Variants in SSUH2 observed in about 807,000 individuals in gnomAD.
The protein encoded by SSUH2 is protein SSUH2 homolog.
Under a neutral mutation model 55.3 loss-of-function variants are expected in SSUH2, and 47 were observed. The observed-to-expected ratio is 0.85, with a 90% CI of 0.67 to 1.08. SSUH2 has a LOEUF of 1.08. Ranked by LOEUF, SSUH2 falls within the 50% of genes least tolerant of loss-of-function variation. The pLI is 0.00. For missense variants in SSUH2, 535 were observed against 490.7 expected (o/e 1.09, Z -0.85); for synonymous variants, 212 against 191.5 (o/e 1.11, Z -0.89).
chr3:8,660,130 A>G (rs1177204296), intron 6 of SSUH2, among the ~76,000 whole-genome samples: 1 of 152,210 alleles, frequency 6.6e-6, no homozygotes, highest in Non-Finnish European at 1.5e-5. Flanking sequence ...ACAATTCCTA[A>G]CAGGCAGGGT....
In SSUH2 at chr3:8,676,613, A is replaced by C. The variant is rs371121992; in HGVS notation, c.-753+593T>G. 7.3e-5 allele frequency among the ~76,000 whole-genome samples: 11 copies of C among 151,004 alleles called. 1 individual carries two copies. Among genetic ancestry groups the C allele is most frequent in the South Asian group, 6.3e-4 (3 of 4,748 alleles). ...AGAATATCACAGCGTGGGTGTACACATCGTGCTCTATTATGGGGAGTCATA... is the reference window on the plus strand; with the variant it reads ...AGAATATCACAGCGTGGGTGTACACCTCGTGCTCTATTATGGGGAGTCATA... On this transcript the variant is annotated intron_variant, in intron 3 of 18. Transcript: ENST00000317371.
Position 8,644,625 on chromosome 3 carries a change from T to C in SSUH2, c.28+106A>G, listed in dbSNP as rs1701419619. 6.0e-6 allele frequency: 6 copies of C among 1,003,690 alleles called. No individual in the cohort carries two copies. In the South Asian group the frequency reaches 6.8e-5, roughly 11 times the overall value. The allele number at this position is 1,003,690 out of a possible 1,614,324, so 62.2% of individuals were successfully genotyped here. A position where few individuals can be genotyped will look rare whatever the true frequency, so the allele number is the denominator to read the frequency against. On this transcript the variant is annotated intron_variant, in intron 1 of 11. Transcript: ENST00000544814. ...CTACAGAGCTTATTAGAAAAGACTA[T>C]GGATACATAACTTCCAACATATTAG...
intron 7 of SSUH2, among the ~76,000 whole-genome samples, chr3:8,654,487 A>C (rs142438823): frequency 1.6e-4 from 25 of 152,316 alleles, no homozygotes; most frequent in Admixed American, 5.9e-4. Flanking sequence ...TAGACACCCA[A>C]ATTGTCTCCT....
chr3:8,669,627 G>T (rs1345936386), intron 5 of SSUH2, among the ~76,000 whole-genome samples: 1 of 152,190 alleles, frequency 6.6e-6, no homozygotes, highest in African/African-American at 2.4e-5. Flanking sequence ...ACATGATCAA[G>T]GCTAACATCA....
chr3:8,666,836 C>T (rs1575354991), intron 5 of SSUH2, among the ~76,000 whole-genome samples: 2 of 152,310 alleles, frequency 1.3e-5, no homozygotes, highest in East Asian at 3.9e-4. Flanking sequence ...AAGTTGGCCT[C>T]CCAAAAGCCC....
chr3:8,639,990 T>G, intron 1 of SSUH2: 1 of 985,454 alleles, frequency 1.0e-6, no homozygotes, highest in Non-Finnish European at 1.2e-6. Context: ...CCTCGTGATT[T>G]GAATTATACT....
In SSUH2 at chr3:8,630,908, T is replaced by C. The variant is rs1189772564; in HGVS notation, c.422A>G (p.Gln141Arg). 6.9e-6 allele frequency: 10 copies of C among 1,452,066 alleles called. No individual in the cohort carries two copies. The East Asian group carries it at 2.7e-4, about 39-fold the overall frequency. The allele number at this position is 1,452,066 out of a possible 1,614,324, so 89.9% of individuals were successfully genotyped here. A position where few individuals can be genotyped will look rare whatever the true frequency, so the allele number is the denominator to read the frequency against. Residue 141 changes from glutamine (Q) to arginine (R), a missense_variant, in exon 6 of 12, where the codon CAA becomes CGA. Physicochemically the swap from Gln to Arg is conservative, Grantham distance 43 (BLOSUM62 1). Transcript: ENST00000544814. ...PFTNHSVDGP[Q>R]RGASPRLWDI... ...CCAGAGCCTGGGGGAGGCGCCTCTT[T>C]GCGGCCCATCCACAGAGTGGTCTGA...
chr3:8,662,821 G>A (rs552839124), intron 6 of SSUH2, among the ~76,000 whole-genome samples: 2 of 152,250 alleles, frequency 1.3e-5, no homozygotes, highest in Non-Finnish European at 2.9e-5. Flanking sequence ...AGACAGGGAT[G>A]TGATGACACC....
In SSUH2 at chr3:8,631,593, G is replaced by C. The variant is rs1290061387; in HGVS notation, c.400+456C>G. ...AAGAATGGACCTGAGCGGTCTGTTA[G>C]GGAAAACAAGGAGGACATAGATCTT... is the stretch of plus-strand genomic sequence containing the variant. On this transcript the variant is annotated intron_variant, in intron 5 of 11. Transcript: ENST00000544814. 5.3e-5 allele frequency among the ~76,000 whole-genome samples: 8 copies of C among 152,238 alleles called. No individual in the cohort carries two copies. In the South Asian group the frequency reaches 1.5e-3, roughly 28 times the overall value.
At chr3:8,665,030 C>T (rs913683992) in intron 5 of SSUH2, among the ~76,000 whole-genome samples, 1 of 152,180 alleles carries the variant, frequency 6.6e-6, no homozygotes, top group Non-Finnish European at 1.5e-5. Flanking sequence ...ACAATCCCTG[C>T]TGTCTACACC....
intron 1 of SSUH2, 40 bp from the exon 2 acceptor site, chr3:8,635,897 G>A (rs1355642684): frequency 1.3e-6 from 2 of 1,515,250 alleles, no homozygotes; most frequent in East Asian, 4.9e-5. Flanking sequence ...GGGTAGGGAG[G>A]CGAGGGCTGA....
At chr3:8,681,567 C>T (rs1473401897) in intron 1 of SSUH2, among the ~76,000 whole-genome samples, 1 of 150,448 alleles carries the variant, frequency 6.6e-6, no homozygotes, top group African/African-American at 2.4e-5. Flanking sequence ...GGGAGGCACC[C>T]CCAACGAAGC....
At chr3:8,647,699 C>T (rs1311552201), upstream of SSUH2, among the ~76,000 whole-genome samples, 3 of 152,224 alleles carry the variant, frequency 2.0e-5, no homozygotes, top group Admixed American at 1.3e-4. Flanking sequence ...TGAATGCTCC[C>T]TGCACATCCA....
At chr3:8,659,612 C>CG (rs1703274675) in intron 6 of SSUH2, 1 of 330,800 alleles carries the variant, frequency 3.0e-6, no homozygotes. Context: ...TGCTGGAGGC[C>CG]GGGGGCTGCC....
intron 1 of SSUH2, among the ~76,000 whole-genome samples, chr3:8,636,780 ACAT>A (rs1699996999): frequency 6.6e-6 from 1 of 152,108 alleles, no homozygotes; most frequent in South Asian, 2.1e-4. Context: ...AACCCCTTGC[ACAT>A]CTAATGCCAT....
At chr3:8,629,889 T>C (rs1396298717) in intron 6 of SSUH2, among the ~76,000 whole-genome samples, 163 bp from the exon 7 acceptor site, 1 of 152,190 alleles carries the variant, frequency 6.6e-6, no homozygotes, top group African/African-American at 2.4e-5. Context: ...TCCAGAAGGC[T>C]TGACTGCATC....
chr3:8,672,708 C>T (rs1559542032), intron 3 of SSUH2, among the ~76,000 whole-genome samples: 1 of 148,442 alleles, frequency 6.7e-6, no homozygotes, highest in Non-Finnish European at 1.5e-5. Flanking sequence ...ATCACCCTCT[C>T]CCCCTCCGGA....
At chr3:8,676,189 C>G (rs1418277332) in intron 3 of SSUH2, among the ~76,000 whole-genome samples, 1 of 152,032 alleles carries the variant, frequency 6.6e-6, no homozygotes, top group East Asian at 1.9e-4. Flanking sequence ...AGATTATGAA[C>G]TGTTTCACAG....
In SSUH2 at chr3:8,650,537, G is replaced by C. The variant is rs111677431; in HGVS notation, c.-307+8388C>G. Among the ~76,000 whole-genome samples the C allele has an allele frequency of 3.6e-3, 542 of 152,282 alleles. 3 individuals carry two copies. Among genetic ancestry groups the C allele is most frequent in the African/African-American group, 0.013 (522 of 41,558 alleles). ...AGATAAGCTTTGTTCCAACTGTGGG[G>C]AAACTGATAGAAGAAAAAAGAAGGC... On this transcript the variant is annotated intron_variant, in intron 7 of 18. Coordinates refer to the SSUH2 transcript ENST00000317371.
Sources: gnomAD v4.1 joint callset for allele counts (sites outside exome capture counted in the v4.1 genomes callset) on GRCh38, gnomAD v4.1.1 for gene constraint, MANE v1.5 for transcripts, NCBI Gene and HGNC (gene_info 2026-07-23, HGNC 2026-07-21) for gene names.